The following ABHD12 variants were observed in gnomAD, a reference collection of about 807,000 sequenced individuals.
ABHD12 encodes lysophosphatidylserine lipase ABHD12.
A neutral mutation model predicts 58.3 loss-of-function variants in ABHD12; 43 were observed. That is an observed-to-expected ratio of 0.74 (90% confidence interval 0.58 to 0.95). The LOEUF is 0.95. Among genes scored for constraint, ABHD12 ranks in the 40% least tolerant of loss-of-function variants. The pLI is 0.00. For synonymous variants in ABHD12, 219 were observed against 211.2 expected (o/e 1.04, Z -0.32); for missense variants, 539 against 537.2 (o/e 1.00, Z -0.03).
intron 1 of ABHD12, among the ~76,000 whole-genome samples, chr20:25,351,460 C>CTGCAT (rs1258020364): frequency 3.3e-5 from 5 of 152,226 alleles, no homozygotes; most frequent in Non-Finnish European, 5.9e-5. Context: ...ATTGAAATAA[C>CTGCAT]TGCATTGGAA....
chr20:25,382,492 T>C (rs1200555900), intron 1 of ABHD12, among the ~76,000 whole-genome samples: 2 of 152,070 alleles, frequency 1.3e-5, no homozygotes, highest in African/African-American at 4.8e-5. Flanking sequence ...ACATTTTCCC[T>C]GCAGATTTCA....
rs746517841 is a variant in ABHD12, at chr20:25,306,819, C to T, written c.950+14G>A. 1 of 1,578,568 alleles carries T rather than the reference C, an allele frequency of 6.3e-7. No homozygotes were observed. The highest frequency in any genetic ancestry group is 8.7e-7 in the Non-Finnish European group (1 of 1,148,914). On this transcript the variant is annotated intron_variant, in intron 10 of 12. Transcript: ENST00000339157. ...TCTAAATAGGAAAATTAGTTCCTGT[C>T]CCATAATACTCACTTTTCATCATTT...
rs749409983 is a variant in ABHD12, at chr20:25,390,601, G to A, written c.103C>T (p.Arg35Cys). Residue 35 changes from arginine to cysteine, a missense_variant, in exon 1 of 13, where the codon CGC becomes TGC. Transcript: ENST00000339157. ...GTCAGGCGTAGGTTCTGCTTCAGGC[G>A]GCAGTCGGCGTCCAGCGCCGCGGCG... is the stretch of plus-strand genomic sequence containing the variant. Reference protein sequence around the residue: ...SAAAALDADCRLKQNLRLTGP... With the variant: ...SAAAALDADCCLKQNLRLTGP... 170 of 1,470,642 alleles carry A rather than the reference G, an allele frequency of 1.2e-4. No individual in the cohort carries two copies. The African/African-American group carries it at 1.8e-3, about 16-fold the overall frequency. 91.1% of individuals were successfully genotyped at this position (1,470,642 alleles called of 1,614,324 possible).
chr20:25,388,208 A>G (rs1023838912), intron 1 of ABHD12, among the ~76,000 whole-genome samples: 1 of 152,204 alleles, frequency 6.6e-6, no homozygotes, highest in Non-Finnish European at 1.5e-5. Flanking sequence ...TAAAGAGTTT[A>G]AAAAATGTGC....
chr20:25,384,141 C>CAA (rs1385987192), intron 1 of ABHD12, among the ~76,000 whole-genome samples: 1 of 53,108 alleles, frequency 1.9e-5, no homozygotes. Context: ...GACTCTGTCT[C>CAA]AAAAAAAAAA....
intron 2 of ABHD12, 46 bp from the exon 3 acceptor site, chr20:25,323,476 TAC>T (rs779263613): frequency 9.0e-6 from 10 of 1,110,786 alleles, no homozygotes; most frequent in Non-Finnish European, 1.4e-5. Context: ...GGTGGATGAA[TAC>T]ACACATGTAC....
intron 2 of ABHD12, among the ~76,000 whole-genome samples, chr20:25,331,915 A>G (rs28874424): frequency 0.094 from 14,242 of 152,120 alleles, 718 homozygotes; most frequent in Non-Finnish European, 0.11. Flanking sequence ...CAAAATAACC[A>G]GCTAACATCA....
intron 1 of ABHD12, among the ~76,000 whole-genome samples, chr20:25,357,035 A>G (rs6083813): frequency 0.54 from 82,212 of 151,930 alleles, 22,830 homozygotes; most frequent in Admixed American, 0.61. Context: ...TTGGGGAAAT[A>G]TAACTAGAAG....
At position 25,372,485 on chromosome 20, in the gene ABHD12, G is replaced by T. The variant is rs1600868440; in HGVS notation, c.191+18028C>A. On this transcript the variant is annotated intron_variant, in intron 1 of 12. Coordinates refer to ENST00000339157, the MANE Select transcript of ABHD12 (RefSeq NM_001042472.3). ...CTCCCAAAGTGTTTGGATTACAGGC[G>T]TGAGCCACCACACCTGGCCCTCTTT... Among the ~76,000 whole-genome samples, 4 of 152,056 alleles carry T rather than the reference G, an allele frequency of 2.6e-5. No homozygotes were observed. In the South Asian group the frequency reaches 8.3e-4, roughly 32 times the overall value.
chr20:25,337,345 G>A (rs917166629), intron 2 of ABHD12, among the ~76,000 whole-genome samples: 2 of 152,240 alleles, frequency 1.3e-5, no homozygotes, highest in African/African-American at 2.4e-5. Context: ...GAAGGAAATC[G>A]TTAAGGATGG....
At chr20:25,295,061 G>C in intron 12 of ABHD12, 3 of 1,609,200 alleles carry the variant, frequency 1.9e-6, no homozygotes, top group South Asian at 1.1e-5. Context: ...TTAAAATTGT[G>C]AACTCTGCAT....
intron 2 of ABHD12, among the ~76,000 whole-genome samples, chr20:25,326,885 G>C (rs895722307): frequency 2.6e-4 from 39 of 152,120 alleles, no homozygotes; most frequent in African/African-American, 9.4e-4. Flanking sequence ...TTTAAAATTG[G>C]GAATTGCACT....
chr20:25,390,537 G>A lies in ABHD12; in HGVS notation c.167C>T (p.Ala56Val), dbSNP rs760720412. The A allele has an allele frequency of 9.8e-5, 139 of 1,419,002 alleles. 1 individual carries two copies. In the East Asian group the frequency reaches 6.1e-3, roughly 63 times the overall value. The allele number at this position is 1,419,002 out of a possible 1,614,324, so 87.9% of individuals were successfully genotyped here. The change falls in exon 1 of 13, where the codon GCG (alanine) becomes GTG (valine). Residue 56 changes from alanine (A) to valine (V), a missense_variant. Physicochemically the swap from Ala to Val is moderately conservative, Grantham distance 64. Transcript: ENST00000339157. ...AAAEPRCAAD[A>V]GMKRALGRRK... The stretch of plus-strand genomic sequence containing the variant: ...CCTGCCCAGCGCCCGCTTCATTCCC[G>A]CGTCGGCTGCGCAGCGCGGCTCAGC...
intron 2 of ABHD12, among the ~76,000 whole-genome samples, chr20:25,338,197 TTCCTCTGCGGCC>T (rs1439914915): frequency 2.6e-5 from 4 of 152,148 alleles, no homozygotes; most frequent in Non-Finnish European, 4.4e-5. Context: ...ACCTCCTGTG[TTCCTCTGCGGCC>T]TCCTCCTTTC....
At chr20:25,325,135 G>T (rs1440157986) in intron 2 of ABHD12, among the ~76,000 whole-genome samples, 1 of 150,420 alleles carries the variant, frequency 6.6e-6, no homozygotes, top group Non-Finnish European at 1.5e-5. Flanking sequence ...GAGCCCAGGA[G>T]GTCAAGGCTG....
At position 25,388,787 on chromosome 20, in the gene ABHD12, C is replaced by CTTTTT. The variant is rs780031801; in HGVS notation, c.191+1721_191+1725dup. On this transcript the variant is annotated intron_variant, in intron 1 of 12. Transcript: ENST00000339157. ...GTTGTGTAAAACAATTTGATTTTTTCTTTTTTTTTTTTTTTTTTGAGACGG... is the reference window on the plus strand; with the variant it reads ...GTTGTGTAAAACAATTTGATTTTTTCTTTTTTTTTTTTTTTTTTTTTTTGAGACGG... Among the ~76,000 whole-genome samples, 147 of 122,048 alleles carry CTTTTT rather than the reference C, an allele frequency of 1.2e-3. 4 individuals carry two copies. The highest frequency in any genetic ancestry group is 4.9e-3 in the Middle Eastern group (1 of 206). 80.1% of individuals were successfully genotyped at this position (122,048 alleles called of 152,430 possible).
At position 25,314,939 on chromosome 20, in the gene ABHD12, GTGACCACA is replaced by G; in HGVS notation, c.597_604del (p.Val200LeufsTer2). On this transcript the variant is annotated frameshift_variant, in exon 6 of 13. Coordinates refer to ENST00000339157, the MANE Select transcript of ABHD12 (RefSeq NM_001042472.3). LOFTEE classifies it high-confidence loss of function. ...AGAAATCTCACCTCTGTAGTCAAAG[GTGACCACA>G]TGGTAACCAAGGGAACTCAGCACCT... 1 of 1,614,190 alleles carries G rather than the reference GTGACCACA, an allele frequency of 6.2e-7. No homozygotes were observed. The highest frequency in any genetic ancestry group is 1.3e-5 in the African/African-American group (1 of 75,060).
chr20:25,390,374 G>C (rs1391144595), intron 1 of ABHD12, 139 bp downstream of exon 1: 15 of 866,232 alleles, frequency 1.7e-5, no homozygotes, highest in Non-Finnish European at 2.4e-5. Context: ...CGGGACACAG[G>C]CGCGGACGGG....
At chr20:25,306,059 C>T (rs56374027) in intron 10 of ABHD12, among the ~76,000 whole-genome samples, 4 of 151,554 alleles carry the variant, frequency 2.6e-5, no homozygotes, top group Non-Finnish European at 5.9e-5. Flanking sequence ...CCCAGGTACT[C>T]GGGAGGCTGA....
Sources: gnomAD v4.1 joint callset for allele counts (sites outside exome capture counted in the v4.1 genomes callset) on GRCh38, gnomAD v4.1.1 for gene constraint, MANE v1.5 for transcripts, NCBI Gene and HGNC (gene_info 2026-07-23, HGNC 2026-07-21) for gene names.